The following PRMT8 variants were observed in gnomAD, a reference collection of about 807,000 sequenced individuals.
The protein encoded by PRMT8 is protein arginine methyltransferase 8.
A neutral mutation model predicts 47.1 loss-of-function variants in PRMT8; 7 were observed. That is an observed-to-expected ratio of 0.15 (90% confidence interval 0.08 to 0.28). The LOEUF (loss-of-function observed/expected upper bound fraction) is 0.28, where lower values mean the gene tolerates loss of function less well. PRMT8 is among the 10% of genes least tolerant of loss of function. The pLI is 1.00. For missense variants in PRMT8, 237 were observed against 505.4 expected, an observed-to-expected ratio of 0.47 and a Z score of 5.09; for synonymous variants, 188 against 186.5, an observed-to-expected ratio of 1.01 and a Z score of -0.07.
upstream of PRMT8, among the ~76,000 whole-genome samples, chr12:3,490,921 C>T (rs1865383963): frequency 2.6e-5 from 4 of 152,118 alleles, no homozygotes; most frequent in South Asian, 8.3e-4. Context: ...GCCCGGACCT[C>T]GCCCTAGGTG....
chr12:3,394,355 G>C (rs1864227044), intron 1 of PRMT8, among the ~76,000 whole-genome samples: 1 of 152,116 alleles, frequency 6.6e-6, no homozygotes, highest in South Asian at 2.1e-4. Context: ...GTTTGTCATA[G>C]ATAGCTCTTA....
In PRMT8 at chr12:3,538,743, C is replaced by T. The variant is rs555037563; in HGVS notation, c.76-1863C>T. On this transcript the variant is annotated intron_variant, in intron 1 of 9. Transcript: ENST00000382622. This position sits in a 1 kb window ranked among gnomAD's most constrained non-coding sequence, Gnocchi z 4.6. ...AGCCTGCACAGGAGTGTGCACTTGA[C>T]ACAGTCTATTTTTAGCCTCCCAGAG... is the stretch of plus-strand genomic sequence containing the variant. The T allele has an allele frequency of 3.1e-5, 16 of 518,920 alleles. No homozygotes were observed. Among genetic ancestry groups the T allele is most frequent in the African/African-American group, 1.7e-4 (9 of 52,072 alleles). The allele number at this position is 518,920 out of a possible 1,614,324, so 32.1% of individuals were successfully genotyped here.
At chr12:3,551,594 G>T (rs1393605012) in intron 3 of PRMT8, 2 of 152,306 alleles carry the variant, frequency 1.3e-5, no homozygotes, top group Non-Finnish European at 2.9e-5. Context: ...TCAGGAGGAG[G>T]CTCCCACTTG....
At position 3,535,302 on chromosome 12, in the gene PRMT8, C is replaced by T. The variant is rs916069415; in HGVS notation, c.76-5304C>T. ...AGTAGAGTGGGTAGACTAAGACAATCGCACTTTATTTATTAGGGAGAAAAA... is the reference window on the plus strand; with the variant it reads ...AGTAGAGTGGGTAGACTAAGACAATTGCACTTTATTTATTAGGGAGAAAAA... On this transcript the variant is annotated intron_variant, in intron 1 of 9. Transcript: ENST00000382622. This position sits in a 1 kb window ranked among gnomAD's most constrained non-coding sequence, Gnocchi z 4.7. Among the ~76,000 whole-genome samples, 2 of 152,204 alleles carry T rather than the reference C, an allele frequency of 1.3e-5. No individual in the cohort carries two copies. The highest frequency in any genetic ancestry group is 6.5e-5 in the Admixed American group (1 of 15,280).
chr12:3,485,699 C>T (rs1865316516), intron 1 of PRMT8, among the ~76,000 whole-genome samples: 1 of 152,112 alleles, frequency 6.6e-6, no homozygotes, highest in Non-Finnish European at 1.5e-5. Context: ...ATGTATATAA[C>T]ATGATTCCAT....
intron 1 of PRMT8, among the ~76,000 whole-genome samples, chr12:3,434,752 T>TTC (rs921768405): frequency 4.0e-5 from 6 of 151,004 alleles, no homozygotes; most frequent in African/African-American, 1.5e-4. Context: ...CCCCATCTTT[T>TTC]TTTTTTTTAA....
intron 7 of PRMT8, among the ~76,000 whole-genome samples, chr12:3,581,589 C>A (rs1277548661): frequency 6.6e-6 from 1 of 152,196 alleles, no homozygotes; most frequent in Admixed American, 6.5e-5. Flanking sequence ...ATTCTGCATG[C>A]TTGACCAAGG....
At chr12:3,496,210 A>ATTTT (rs1565423219) in intron 1 of PRMT8, among the ~76,000 whole-genome samples, 9 of 10,556 alleles carry the variant, frequency 8.5e-4, no homozygotes, top group South Asian at 3.2e-3. Context: ...ATATATATAT[A>ATTTT]TATATTTTTT....
intron 4 of PRMT8, among the ~76,000 whole-genome samples, chr12:3,567,338 T>A (rs1380135922): frequency 1.3e-5 from 2 of 152,244 alleles, no homozygotes; most frequent in Non-Finnish European, 2.9e-5. Flanking sequence ...TGAGAAGATC[T>A]GGCACTTAAA....
rs1864407636 is a variant in PRMT8 at position 3,409,788 on chromosome 12, C to G, written c.48+28346C>G. Among the ~76,000 whole-genome samples the G allele has an allele frequency of 6.6e-6, 1 of 152,128 alleles. No homozygotes were observed. Among genetic ancestry groups the G allele is most frequent in the Non-Finnish European group, 1.5e-5 (1 of 68,018 alleles). Reference sequence around the variant, plus strand: ...TTCAGCTCAGGTGCTGGGGTTGTGACTGCTCTGGGTAGCTAAGGCAGGGAT... The same window carrying G: ...TTCAGCTCAGGTGCTGGGGTTGTGAGTGCTCTGGGTAGCTAAGGCAGGGAT... On this transcript the variant is annotated intron_variant, in intron 1 of 9. Coordinates refer to the PRMT8 transcript ENST00000452611. This position sits in a 1 kb window ranked among gnomAD's most constrained non-coding sequence, Gnocchi z 4.4.
chr12:3,505,888 GTTAGA>G, intron 1 of PRMT8, among the ~76,000 whole-genome samples: 1 of 152,306 alleles, frequency 6.6e-6, no homozygotes, highest in East Asian at 1.9e-4. Flanking sequence ...GGCTCCCTGG[GTTAGA>G]TCCCCTCATC....
At position 3,453,761 on chromosome 12, in the gene PRMT8, G is replaced by A. The variant is rs1191289208; in HGVS notation, c.48+72319G>A. 6.6e-6 allele frequency among the ~76,000 whole-genome samples: 1 copy of A among 151,856 alleles called. No homozygotes were observed. Among genetic ancestry groups the A allele is most frequent in the Non-Finnish European group, 1.5e-5 (1 of 67,942 alleles). ...ACCCTGTGGTCTGTGTCCTGACGTG[G>A]CCCGACTGTGGACCCCCTTGTCCTC... is the stretch of plus-strand genomic sequence containing the variant. On this transcript the variant is annotated intron_variant, in intron 1 of 9. Transcript: ENST00000452611. The surrounding 1 kb of genome is among the most constrained non-coding windows in gnomAD (Gnocchi z 4.9).
Position 3,564,770 on chromosome 12 carries a change from TAATATC to T in PRMT8, c.482-3931_482-3926del, listed in dbSNP as rs1284130369. Reference sequence around the variant, plus strand: ...TGCAGCCTACGGCTGCTCGGAATCTTAATATCAATAGCTTAGACCCCCTTGAAAATC... The same window carrying T: ...TGCAGCCTACGGCTGCTCGGAATCTTAATAGCTTAGACCCCCTTGAAAATC... On this transcript the variant is annotated intron_variant, in intron 4 of 9. Transcript: ENST00000382622. The surrounding 1 kb of genome is among the most constrained non-coding windows in gnomAD (Gnocchi z 4.0). Among the ~76,000 whole-genome samples, 2 of 152,250 alleles carry T rather than the reference TAATATC, an allele frequency of 1.3e-5. No homozygotes were observed. The highest frequency in any genetic ancestry group is 1.9e-4 in the East Asian group (1 of 5,206).
rs2137198754 is a variant in PRMT8, at chr12:3,564,535, T to C, written c.482-4171T>C. ...TACAAACTTGAAGCTACAGGAGAAG[T>C]TTTCCCAATTTAGAGTCTATTGCTC... On this transcript the variant is annotated intron_variant, in intron 4 of 9. Transcript: ENST00000382622. The surrounding 1 kb of genome is among the most constrained non-coding windows in gnomAD (Gnocchi z 4.0). 6.6e-6 allele frequency among the ~76,000 whole-genome samples: 1 copy of C among 152,310 alleles called. No individual in the cohort carries two copies. Among genetic ancestry groups the C allele is most frequent in the Non-Finnish European group, 1.5e-5 (1 of 68,030 alleles).
intron 1 of PRMT8, among the ~76,000 whole-genome samples, chr12:3,454,460 C>T (rs1375328973): frequency 2.0e-5 from 3 of 152,110 alleles, no homozygotes; most frequent in African/African-American, 7.2e-5. Context: ...TGTAAAAGCA[C>T]TCTAGGGGAG....
At chr12:3,590,112 C>G (rs2137237846) in intron 8 of PRMT8, among the ~76,000 whole-genome samples, 1 of 152,346 alleles carries the variant, frequency 6.6e-6, no homozygotes, top group East Asian at 1.9e-4. Context: ...TGTTCAGGAA[C>G]CCAGGCAGGG....
chr12:3,536,523 G>A (rs1253690534), intron 1 of PRMT8, among the ~76,000 whole-genome samples: 2 of 152,188 alleles, frequency 1.3e-5, no homozygotes, highest in African/African-American at 2.4e-5. Flanking sequence ...GACCTTGACC[G>A]TGCACAATGC....
Position 3,574,111 on chromosome 12 carries a change from G to T in PRMT8, c.713-2760G>T, listed in dbSNP as rs144116786. On this transcript the variant is annotated intron_variant, in intron 6 of 9. Transcript: ENST00000382622. ...CTAAAACACCAGGCATTGCAAAACA[G>T]TGCAGGCATTAAATGTTTGGGAATG... The T allele has an allele frequency of 2.6e-5, 4 of 152,198 alleles. No homozygotes were observed. In the East Asian group the frequency reaches 7.7e-4, roughly 29 times the overall value. The allele number at this position is 152,198 out of a possible 1,614,324, so 9.4% of individuals were successfully genotyped here.
intron 1 of PRMT8, among the ~76,000 whole-genome samples, chr12:3,381,603 C>T (rs1048363357): frequency 1.3e-5 from 2 of 152,192 alleles, no homozygotes; most frequent in South Asian, 2.1e-4. Flanking sequence ...CTGCTCTGGG[C>T]TTTGCGGCTC....
Sources: gnomAD v4.1 joint callset for allele counts (sites outside exome capture counted in the v4.1 genomes callset) on GRCh38, gnomAD v4.1.1 for gene constraint, Gnocchi (gnomAD v3.1) non-coding constraint, MANE v1.5 for transcripts, NCBI Gene and HGNC (gene_info 2026-07-23, HGNC 2026-07-21) for gene names.